DPP10: variants seen among roughly 807,000 people sequenced by gnomAD.
The protein encoded by DPP10 is dipeptidyl peptidase like 10.
Under a neutral mutation model 120.9 loss-of-function variants are expected in DPP10, and 33 were observed. That is an observed-to-expected ratio of 0.27 (90% CI 0.21 to 0.37). The LOEUF is 0.37. Ranked by LOEUF, DPP10 falls within the 10% of genes least tolerant of loss-of-function variation. The probability of loss-of-function intolerance (pLI) is 1.00; values close to 1 mark genes in which losing one functional copy is unlikely to be tolerated. For missense variants in DPP10, 816 were observed against 942.8 expected (o/e 0.87, Z 1.76); for synonymous variants, 337 against 326.1 (o/e 1.03, Z -0.36).
At chr2:114,571,015 C>T (rs1689601330) in intron 1 of DPP10, among the ~76,000 whole-genome samples, 2 of 151,980 alleles carry the variant, frequency 1.3e-5, no homozygotes, top group Non-Finnish European at 2.9e-5. Flanking sequence ...CTTCCAGGGA[C>T]TCATCTACTG....
intron 1 of DPP10, among the ~76,000 whole-genome samples, chr2:114,689,601 A>G (rs913088159): frequency 6.6e-6 from 1 of 152,068 alleles, no homozygotes; most frequent in Non-Finnish European, 1.5e-5. Flanking sequence ...CATACTCAGT[A>G]ATAGGATTGC....
intron 5 of DPP10, among the ~76,000 whole-genome samples, chr2:115,537,770 G>A (rs1058997): frequency 2.6e-4 from 40 of 152,018 alleles, no homozygotes; most frequent in Non-Finnish European, 3.5e-4. Flanking sequence ...GTTTCTAGAA[G>A]GGCTTGGCTG....
intron 1 of DPP10, among the ~76,000 whole-genome samples, chr2:115,006,681 A>T (rs1701868549): frequency 1.3e-5 from 2 of 151,480 alleles, no homozygotes; most frequent in Non-Finnish European, 2.9e-5. Flanking sequence ...TCCTAAATAT[A>T]TATGCACCCA....
chr2:115,205,306 A>T (rs1253053454), intron 1 of DPP10, among the ~76,000 whole-genome samples: 2 of 152,188 alleles, frequency 1.3e-5, no homozygotes, highest in African/African-American at 4.8e-5. Context: ...ATTCTTCTGC[A>T]TATGGTTAGC....
At chr2:115,595,369 A>G (rs1575282752) in intron 5 of DPP10, among the ~76,000 whole-genome samples, 1 of 152,140 alleles carries the variant, frequency 6.6e-6, no homozygotes, top group South Asian at 2.1e-4. Context: ...TATTAATGCT[A>G]AAGCTTATTT....
intron 1 of DPP10, among the ~76,000 whole-genome samples, chr2:115,003,176 T>TAA (rs140794959): frequency 0.023 from 3,129 of 134,280 alleles, 101 homozygotes; most frequent in African/African-American, 0.07. Flanking sequence ...TATGTAGCTA[T>TAA]AAAAAAAAAA....
chr2:115,616,535 T>G (rs1363598507), intron 5 of DPP10, among the ~76,000 whole-genome samples: 1 of 152,060 alleles, frequency 6.6e-6, no homozygotes, highest in Non-Finnish European at 1.5e-5. Context: ...TGCCAGCAGT[T>G]AGTTATTCAT....
intron 2 of DPP10, among the ~76,000 whole-genome samples, chr2:115,312,945 C>T (rs964219789): frequency 2.2e-4 from 33 of 152,146 alleles, no homozygotes; most frequent in East Asian, 2.1e-3. Flanking sequence ...GCAGTCAGGC[C>T]GGACGCGATG....
At chr2:114,504,231 C>T (rs1322937471) in intron 1 of DPP10, among the ~76,000 whole-genome samples, 1 of 152,134 alleles carries the variant, frequency 6.6e-6, no homozygotes, top group Admixed American at 6.6e-5. Context: ...CTTCTATTTG[C>T]CACTTCTTAT....
chr2:115,400,242 A>T (rs2067971519), intron 3 of DPP10, among the ~76,000 whole-genome samples: 1 of 152,160 alleles, frequency 6.6e-6, no homozygotes, highest in Admixed American at 6.6e-5. Context: ...ACAGATCCAA[A>T]CCATGTCATG....
At chr2:115,251,966 C>T (rs1325160012) in intron 1 of DPP10, among the ~76,000 whole-genome samples, 3 of 152,198 alleles carry the variant, frequency 2.0e-5, no homozygotes, top group Non-Finnish European at 4.4e-5. Context: ...TTGAAAATTG[C>T]TACCAGACAA....
intron 1 of DPP10, among the ~76,000 whole-genome samples, chr2:115,276,897 ACCTATG>A (rs1462668283): frequency 6.6e-6 from 1 of 152,150 alleles, no homozygotes; most frequent in Non-Finnish European, 1.5e-5. Flanking sequence ...CCTGCTATTG[ACCTATG>A]CCCCTTTGTG....
chr2:115,161,367 G>C (rs1167769043), intron 1 of DPP10: 1 of 152,192 alleles, frequency 6.6e-6, no homozygotes, highest in Non-Finnish European at 1.5e-5. Flanking sequence ...GCTTCGCACG[G>C]GCGCGCTCCG....
intron 3 of DPP10, among the ~76,000 whole-genome samples, chr2:115,474,330 C>T (rs1365417864): frequency 1.3e-5 from 2 of 152,156 alleles, no homozygotes; most frequent in Non-Finnish European, 2.9e-5. Flanking sequence ...AGTCCTCTGT[C>T]CTCTTAGCCA....
intron 4 of DPP10, among the ~76,000 whole-genome samples, chr2:115,508,791 T>C (rs1376093199): frequency 6.6e-6 from 1 of 152,184 alleles, no homozygotes; most frequent in Non-Finnish European, 1.5e-5. Context: ...TAGTCCCAGC[T>C]ACTCAGGAGG....
chr2:115,730,840 C>T (rs931644155), intron 8 of DPP10, among the ~76,000 whole-genome samples: 12 of 152,156 alleles, frequency 7.9e-5, no homozygotes, highest in African/African-American at 2.9e-4. Flanking sequence ...TTTTGCCATA[C>T]TTTGGGCTCC....
intron 1 of DPP10, among the ~76,000 whole-genome samples, chr2:115,033,697 C>CTTTTTTTTTTTTTTTTTTTTTTT: frequency 7.2e-6 from 1 of 137,964 alleles, no homozygotes; most frequent in Non-Finnish European, 1.6e-5. Flanking sequence ...ATCTTCCCTC[C>CTTTTTTTTTTTTTTTTTTTTTTT]TTTTTTTTTT....
At chr2:115,282,110 A>G (rs538192964) in intron 1 of DPP10, among the ~76,000 whole-genome samples, 3 of 152,068 alleles carry the variant, frequency 2.0e-5, no homozygotes, top group Non-Finnish European at 4.4e-5. Flanking sequence ...AGAAACAAGC[A>G]ATCAACTGAA....
chr2:115,021,577 C>A (rs1288657831), intron 1 of DPP10, among the ~76,000 whole-genome samples: 1 of 152,006 alleles, frequency 6.6e-6, no homozygotes, highest in Non-Finnish European at 1.5e-5. Flanking sequence ...TGAATTGTAT[C>A]AGACTTCACA....
Sources: gnomAD v4.1 joint callset for allele counts (sites outside exome capture counted in the v4.1 genomes callset) on GRCh38, gnomAD v4.1.1 for gene constraint, MANE v1.5 for transcripts, NCBI Gene and HGNC (gene_info 2026-07-23, HGNC 2026-07-21) for gene names.